SND1: variants seen among roughly 807,000 people sequenced by gnomAD.
SND1 encodes staphylococcal nuclease and tudor domain containing 1.
Under a neutral mutation model 121.7 loss-of-function variants are expected in SND1, and 38 were observed. The observed-to-expected ratio is 0.31, with a 90% CI of 0.24 to 0.41. SND1 has a LOEUF of 0.41. Among genes scored for constraint, SND1 ranks in the 10% least tolerant of loss-of-function variants. The probability of loss-of-function intolerance (pLI) is 1.00; values close to 1 mark genes in which losing one functional copy is unlikely to be tolerated. For synonymous variants in SND1, 401 were observed against 447.4 expected, an observed-to-expected ratio of 0.90 and a Z score of 1.31; for missense variants, 868 against 1,184.6, an observed-to-expected ratio of 0.73 and a Z score of 3.92.
At chr7:127,850,119 A>G (rs991419910) in intron 12 of SND1, among the ~76,000 whole-genome samples, 5 of 152,200 alleles carry the variant, frequency 3.3e-5, no homozygotes, top group Non-Finnish European at 5.9e-5. Context: ...CAGCTGTTCT[A>G]TTAGTGACTG....
chr7:127,836,447 A>G (rs1798870274), intron 11 of SND1, among the ~76,000 whole-genome samples: 1 of 152,158 alleles, frequency 6.6e-6, no homozygotes, highest in East Asian at 1.9e-4. Context: ...TAGAGAATAC[A>G]TCTGGGCTGG....
intron 20 of SND1, chr7:128,086,416 G>A (rs1467272433): frequency 4.7e-6 from 1 of 214,014 alleles, no homozygotes; most frequent in Admixed American, 5.3e-5. Context: ...TTAGTAGAGA[G>A]CCCAGAGTTG....
rs563832998 is a variant in SND1, at chr7:127,675,557, G to A, written c.79-11056G>A. ...GCAACACTTAAGAAAATTCAGAAAT[G>A]TTCCTTTCTGAAGGGGAACATGGGA... On this transcript the variant is annotated intron_variant, in intron 1 of 23. Coordinates refer to ENST00000354725, the MANE Select transcript of SND1 (RefSeq NM_014390.4). Among the ~76,000 whole-genome samples the A allele has an allele frequency of 3.8e-4, 58 of 152,286 alleles. 1 individual carries two copies. The South Asian group carries it at 0.012, about 32-fold the overall frequency.
intron 10 of SND1, among the ~76,000 whole-genome samples, chr7:127,740,934 T>C (rs1796870460): frequency 6.6e-6 from 1 of 152,222 alleles, no homozygotes; most frequent in African/African-American, 2.4e-5. Flanking sequence ...TCATATTCTT[T>C]TACACTTTGG....
At chr7:128,013,541 T>C (rs1803159483) in intron 16 of SND1, among the ~76,000 whole-genome samples, 1 of 152,202 alleles carries the variant, frequency 6.6e-6, no homozygotes, top group Admixed American at 6.5e-5. Flanking sequence ...AGAGCAGCAG[T>C]CCCCAACCTT....
chr7:127,728,959 C>G (rs1296516353), intron 10 of SND1, among the ~76,000 whole-genome samples: 1 of 151,876 alleles, frequency 6.6e-6, no homozygotes, highest in Non-Finnish European at 1.5e-5. Context: ...CTGGCTAGGT[C>G]ACACATGGCT....
At chr7:127,730,846 A>G (rs1796662168) in intron 10 of SND1, among the ~76,000 whole-genome samples, 1 of 152,210 alleles carries the variant, frequency 6.6e-6, no homozygotes, top group Non-Finnish European at 1.5e-5. Context: ...TGGGCAGAAT[A>G]TGCTGACACT....
intron 16 of SND1, among the ~76,000 whole-genome samples, chr7:128,011,389 T>C (rs1803114657): frequency 6.6e-6 from 1 of 152,046 alleles, no homozygotes; most frequent in African/African-American, 2.4e-5. Context: ...GGGGAGAGAG[T>C]GCCCTTGTAG....
In SND1 at chr7:127,891,757, A is replaced by G. The variant is rs181292637; in HGVS notation, c.1454+3745A>G. 3.6e-4 allele frequency among the ~76,000 whole-genome samples: 55 copies of G among 152,228 alleles called. 1 individual carries two copies. Among genetic ancestry groups the G allele is most frequent in the Admixed American group, 2.9e-3 (44 of 15,278 alleles). Reference sequence around the variant, plus strand: ...CCCCAAGTCTCTCACTGCTTGAACTATCACTTAACTGTCTTTTGTTTATCA... The same window carrying G: ...CCCCAAGTCTCTCACTGCTTGAACTGTCACTTAACTGTCTTTTGTTTATCA... On this transcript the variant is annotated intron_variant, in intron 13 of 23. Coordinates refer to ENST00000354725, the MANE Select transcript of SND1 (RefSeq NM_014390.4).
chr7:127,746,300 C>A (rs1796981696), intron 10 of SND1, among the ~76,000 whole-genome samples: 1 of 152,184 alleles, frequency 6.6e-6, no homozygotes, highest in Non-Finnish European at 1.5e-5. Context: ...TATCTTATAG[C>A]AACAGGCAGA....
chr7:127,682,200 A>G (rs1795738563), intron 1 of SND1, among the ~76,000 whole-genome samples: 2 of 152,350 alleles, frequency 1.3e-5, no homozygotes, highest in South Asian at 2.1e-4. Context: ...GTTGCTGGGC[A>G]ACATTTTAGT....
intron 15 of SND1, among the ~76,000 whole-genome samples, chr7:127,940,579 T>C (rs1300982409): frequency 6.6e-6 from 1 of 152,242 alleles, no homozygotes; most frequent in East Asian, 1.9e-4. Context: ...CTGGTTGCTA[T>C]GGAAACTACC....
chr7:128,016,604 C>T (rs1432332834), intron 16 of SND1, among the ~76,000 whole-genome samples: 1 of 152,200 alleles, frequency 6.6e-6, no homozygotes, highest in Non-Finnish European at 1.5e-5. Context: ...TTGCCCTCTT[C>T]TCTCCAATTC....
At chr7:128,040,259 G>C (rs1026666222) in intron 16 of SND1, among the ~76,000 whole-genome samples, 3 of 151,352 alleles carry the variant, frequency 2.0e-5, no homozygotes, top group Non-Finnish European at 4.4e-5. Flanking sequence ...GAAACACGGG[G>C]TGTGTCACAG....
intron 15 of SND1, among the ~76,000 whole-genome samples, chr7:127,931,640 A>G (rs1800957462): frequency 6.6e-6 from 1 of 152,234 alleles, no homozygotes; most frequent in Non-Finnish European, 1.5e-5. Context: ...TTTGGTAGCT[A>G]GAGAGAAGTC....
chr7:127,757,870 T>C (rs918573686), intron 10 of SND1, among the ~76,000 whole-genome samples: 2 of 152,216 alleles, frequency 1.3e-5, no homozygotes, highest in Non-Finnish European at 2.9e-5. Context: ...TAAATGTTTC[T>C]GAAAATGTTT....
intron 10 of SND1, among the ~76,000 whole-genome samples, chr7:127,770,492 G>A (rs1318911269): frequency 6.6e-6 from 1 of 152,154 alleles, no homozygotes. Context: ...ATTGGTTGCT[G>A]ACAAAGTCAA....
intron 15 of SND1, among the ~76,000 whole-genome samples, chr7:127,948,648 G>A (rs1801388250): frequency 6.6e-6 from 1 of 152,252 alleles, no homozygotes; most frequent in Non-Finnish European, 1.5e-5. Flanking sequence ...GGGCCCTAAT[G>A]AGATGAGGAC....
At chr7:127,883,418 T>C (rs1427348619) in intron 12 of SND1, among the ~76,000 whole-genome samples, 35 of 152,202 alleles carry the variant, frequency 2.3e-4, no homozygotes, top group Admixed American at 2.3e-3. Flanking sequence ...ATAATTTGTC[T>C]AAAACTGTCC....
Sources: allele counts gnomAD v4.1 joint callset (sites outside exome capture counted in the v4.1 genomes callset), GRCh38; gene constraint gnomAD v4.1.1; transcripts MANE v1.5; gene names NCBI Gene and HGNC (gene_info 2026-07-23, HGNC 2026-07-21).